BLVRA: variants seen among roughly 807,000 people sequenced by gnomAD.
BLVRA encodes the protein BVR A.
BLVRA carries 22 observed loss-of-function variants against 32.8 expected under a neutral mutation model. The observed-to-expected ratio is 0.67, with a 90% CI of 0.48 to 0.96. The LOEUF (loss-of-function observed/expected upper bound fraction) is 0.96. Ranked by LOEUF, BLVRA falls within the 40% of genes least tolerant of loss-of-function variation. The probability of loss-of-function intolerance (pLI) is 0.00; values close to 1 mark genes in which losing one functional copy is unlikely to be tolerated. For synonymous variants in BLVRA, 119 were observed against 141.3 expected, an observed-to-expected ratio of 0.84 and a Z score of 1.12; for missense variants, 323 against 358.1, an observed-to-expected ratio of 0.90 and a Z score of 0.79.
At chr7:43,789,901 G>A (rs2095783482) in intron 3 of BLVRA, among the ~76,000 whole-genome samples, 1 of 151,892 alleles carries the variant, frequency 6.6e-6, no homozygotes, top group Admixed American at 6.6e-5. Flanking sequence ...GTGTGTGTGT[G>A]TGTCTTCCTC....
intron 2 of BLVRA, among the ~76,000 whole-genome samples, chr7:43,779,129 T>G (rs146266951): frequency 0.028 from 4,192 of 152,340 alleles, 198 homozygotes; most frequent in African/African-American, 0.096. Flanking sequence ...TGCCTCGCCC[T>G]GCTTCGGCTT....
intron 5 of BLVRA, among the ~76,000 whole-genome samples, chr7:43,794,320 G>A (rs1413248707): frequency 1.3e-5 from 2 of 152,194 alleles, no homozygotes; most frequent in East Asian, 3.8e-4. Context: ...TACAGGAAAT[G>A]CTAAAGGAAG....
intron 2 of BLVRA, among the ~76,000 whole-genome samples, chr7:43,771,746 G>A (rs1264673993): frequency 6.6e-6 from 1 of 152,142 alleles, no homozygotes; most frequent in East Asian, 1.9e-4. Context: ...GGGGGTCTTG[G>A]GTGAGTGGCA....
intron 2 of BLVRA, among the ~76,000 whole-genome samples, chr7:43,785,332 C>CA (rs57195897): frequency 0.11 from 8,176 of 75,312 alleles, 357 homozygotes; most frequent in African/African-American, 0.22. Context: ...TAGAAATTAC[C>CA]AAAAAAAAAA....
chr7:43,773,295 C>A (rs527930246), intron 2 of BLVRA, among the ~76,000 whole-genome samples: 6 of 152,030 alleles, frequency 3.9e-5, no homozygotes, highest in Non-Finnish European at 5.9e-5. Flanking sequence ...CCTCTCCCCC[C>A]ACCCCACAAC....
chr7:43,791,722 T>C (rs1359571711), intron 4 of BLVRA: 1 of 251,036 alleles, frequency 4.0e-6, no homozygotes, highest in Non-Finnish European at 8.0e-6. Context: ...CCGGCATCCT[T>C]GGCAAATTAT....
chr7:43,771,143 G>C lies in BLVRA; in HGVS notation c.-16G>C. On this transcript the variant is annotated 5_prime_UTR_variant, in exon 2 of 8. Transcript: ENST00000265523. ...CTCTGCTTTTGTCTTTACAGTGACC[G>C]AAGGAAGAGACCAAGATGAATGCAG... The C allele has an allele frequency of 1.2e-6, 2 of 1,614,042 alleles. No individual in the cohort carries two copies. Among genetic ancestry groups the C allele is most frequent in the Non-Finnish European group, 1.7e-6 (2 of 1,179,872 alleles).
At chr7:43,797,756 T>A (rs974399174) in intron 5 of BLVRA, among the ~76,000 whole-genome samples, 8 of 152,252 alleles carry the variant, frequency 5.3e-5, no homozygotes, top group African/African-American at 1.9e-4. Context: ...TCACTTTTAG[T>A]GTCCTTCATT....
intron 2 of BLVRA, among the ~76,000 whole-genome samples, chr7:43,777,009 A>C (rs2095761882): frequency 6.6e-6 from 1 of 151,962 alleles, no homozygotes; most frequent in Admixed American, 6.6e-5. Context: ...ATCTTCCTCC[A>C]TCCCTTTATT....
At chr7:43,795,684 C>T (rs1047340049) in intron 5 of BLVRA, among the ~76,000 whole-genome samples, 1 of 150,622 alleles carries the variant, frequency 6.6e-6, no homozygotes, top group Non-Finnish European at 1.5e-5. Context: ...CGAAAATTAG[C>T]AGAAAAAAGC....
At chr7:43,805,336 GC>G (rs1327424001) in intron 7 of BLVRA, among the ~76,000 whole-genome samples, 1 of 151,126 alleles carries the variant, frequency 6.6e-6, no homozygotes, top group Non-Finnish European at 1.5e-5. Flanking sequence ...AGGCTGGAGT[GC>G]GGTGGTGTGA....
At chr7:43,765,781 T>G (rs1054292846) in intron 1 of BLVRA, among the ~76,000 whole-genome samples, 1 of 152,020 alleles carries the variant, frequency 6.6e-6, no homozygotes, top group Admixed American at 6.6e-5. Context: ...GTTATAACCA[T>G]GGGAATAGAG....
At chr7:43,791,633 T>C in intron 4 of BLVRA, 2 of 428,894 alleles carry the variant, frequency 4.7e-6, no homozygotes, top group South Asian at 2.3e-5. Context: ...AGTGTTTTAT[T>C]TCTCTGTAAA....
At chr7:43,802,159 A>C (rs2132595044) in intron 6 of BLVRA, among the ~76,000 whole-genome samples, 1 of 152,224 alleles carries the variant, frequency 6.6e-6, no homozygotes, top group East Asian at 1.9e-4. Context: ...ACAAACAAAC[A>C]AAAAAGAACT....
At chr7:43,800,998 C>G (rs1422183462) in intron 6 of BLVRA, among the ~76,000 whole-genome samples, 1 of 151,764 alleles carries the variant, frequency 6.6e-6, no homozygotes, top group African/African-American at 2.4e-5. Context: ...TAAATATTTA[C>G]TTATTCTGTT....
At chr7:43,805,654 A>G (rs1372943053) in intron 7 of BLVRA, among the ~76,000 whole-genome samples, 1 of 152,186 alleles carries the variant, frequency 6.6e-6, no homozygotes, top group Non-Finnish European at 1.5e-5. Flanking sequence ...TTAATATAAT[A>G]TAATAGTAAC....
intron 2 of BLVRA, among the ~76,000 whole-genome samples, chr7:43,773,965 C>T (rs371052056): frequency 0.14 from 22,032 of 152,058 alleles, 2,154 homozygotes; most frequent in Non-Finnish European, 0.21. Flanking sequence ...TCATATCCTT[C>T]GCCCACTTTT....
At chr7:43,764,783 A>G (rs1359258225) in intron 1 of BLVRA, among the ~76,000 whole-genome samples, 1 of 143,694 alleles carries the variant, frequency 7.0e-6, no homozygotes, top group Non-Finnish European at 1.5e-5. Flanking sequence ...CCCGCAAAAA[A>G]AAGAAGTAAA....
rs2095788955 is a variant in BLVRA, at chr7:43,793,932, T to C, written c.352+1120T>C. Among the ~76,000 whole-genome samples the C allele has an allele frequency of 2.1e-5, 3 of 143,364 alleles. No homozygotes were observed. The Admixed American group carries it at 2.2e-4, about 10-fold the overall frequency. The allele number at this position is 143,364 out of a possible 152,430, so 94.1% of individuals were successfully genotyped here. On this transcript the variant is annotated intron_variant, in intron 5 of 7. Transcript: ENST00000265523. ...TGACCGTGCCCGGCATACAAAATTT[T>C]TAATTACAAGAAAAAAAAAAAAAGA...
Sources: allele counts gnomAD v4.1 joint callset (sites outside exome capture counted in the v4.1 genomes callset), GRCh38; gene constraint gnomAD v4.1.1; transcripts MANE v1.5; gene names NCBI Gene and HGNC (gene_info 2026-07-23, HGNC 2026-07-21).